Variants in SUPT3H observed in about 807,000 individuals in gnomAD.
SUPT3H encodes transcription initiation protein SPT3 homolog.
A neutral mutation model predicts 44.3 loss-of-function variants in SUPT3H; 44 were observed. That is an observed-to-expected ratio of 0.99 (90% confidence interval 0.78 to 1.28). The LOEUF (loss-of-function observed/expected upper bound fraction) is 1.28. Ranked by LOEUF, SUPT3H falls within the 50% of genes most tolerant of loss-of-function variation. SUPT3H has a pLI of 0.00. For synonymous variants in SUPT3H, 124 were observed against 125.6 expected, an observed-to-expected ratio of 0.99 and a Z score of 0.09; for missense variants, 380 against 387.1, an observed-to-expected ratio of 0.98 and a Z score of 0.15.
At chr6:45,164,750 T>C (rs1280920474) in intron 2 of SUPT3H, among the ~76,000 whole-genome samples, 1 of 152,152 alleles carries the variant, frequency 6.6e-6, no homozygotes, top group Non-Finnish European at 1.5e-5. Flanking sequence ...AACTTATATT[T>C]TGTCATAAAA....
intron 2 of SUPT3H, among the ~76,000 whole-genome samples, chr6:45,200,249 CTG>C (rs1762263485): frequency 6.6e-6 from 1 of 151,236 alleles, no homozygotes; most frequent in Non-Finnish European, 1.5e-5. Context: ...ATAATGAGTG[CTG>C]TATTTATATG....
intron 2 of SUPT3H, among the ~76,000 whole-genome samples, chr6:45,126,907 C>G (rs956351125): frequency 1.3e-5 from 2 of 151,960 alleles, no homozygotes; most frequent in Admixed American, 6.6e-5. Context: ...AAAAGCTTGC[C>G]TAAAAAAAAT....
chr6:44,933,292 C>T (rs1280494929), intron 9 of SUPT3H, among the ~76,000 whole-genome samples: 2 of 133,076 alleles, frequency 1.5e-5, no homozygotes, highest in African/African-American at 5.0e-5. Context: ...CAGGACAAAA[C>T]AAAAACGAAA....
intron 2 of SUPT3H, among the ~76,000 whole-genome samples, chr6:45,205,716 G>A (rs1763121846): frequency 6.6e-6 from 1 of 152,042 alleles, no homozygotes; most frequent in Non-Finnish European, 1.5e-5. Context: ...AGAATTGCTT[G>A]AACCTGGGAG....
intron 10 of SUPT3H, among the ~76,000 whole-genome samples, chr6:44,916,529 A>G (rs1160038615): frequency 6.6e-6 from 1 of 152,162 alleles, no homozygotes; most frequent in Non-Finnish European, 1.5e-5. Context: ...ATCTCAAGAT[A>G]TTCTGAAAGG....
intron 9 of SUPT3H, among the ~76,000 whole-genome samples, chr6:44,948,663 G>C (rs919408134): frequency 6.6e-6 from 1 of 152,192 alleles, no homozygotes; most frequent in Admixed American, 6.5e-5. Context: ...CTGGCCATCA[G>C]AGAAATGCAA....
chr6:45,257,660 A>G (rs947122406), intron 2 of SUPT3H, among the ~76,000 whole-genome samples: 2 of 152,140 alleles, frequency 1.3e-5, no homozygotes, highest in South Asian at 2.1e-4. Flanking sequence ...AGATCTGGTG[A>G]GGGCCTTCTT....
intron 1 of SUPT3H, chr6:45,371,964 T>G: frequency 1.2e-6 from 1 of 812,542 alleles, no homozygotes; most frequent in Non-Finnish European, 1.5e-6. Context: ...AAGCTGGGAC[T>G]AAAACTGAGG....
intron 2 of SUPT3H, among the ~76,000 whole-genome samples, chr6:45,240,607 C>T (rs376716203): frequency 1.3e-5 from 2 of 152,178 alleles, no homozygotes; most frequent in South Asian, 2.1e-4. Context: ...AGAGGTGCTG[C>T]GCAGCGATTC....
At chr6:45,178,891 G>C (rs1308466333) in intron 2 of SUPT3H, among the ~76,000 whole-genome samples, 2 of 151,554 alleles carry the variant, frequency 1.3e-5, no homozygotes, top group South Asian at 4.2e-4. Context: ...CAACATACCA[G>C]AATCTCTGGG....
At chr6:44,931,185 T>C (rs1364146916) in intron 10 of SUPT3H, among the ~76,000 whole-genome samples, 4 of 152,246 alleles carry the variant, frequency 2.6e-5, no homozygotes, top group Non-Finnish European at 5.9e-5. Flanking sequence ...TGTAATCTTA[T>C]TCATTACTTT....
chr6:45,278,490 T>C (rs988436794), intron 2 of SUPT3H, among the ~76,000 whole-genome samples: 1 of 152,086 alleles, frequency 6.6e-6, no homozygotes. Context: ...CCAAAAATAT[T>C]TGGGCAAAGA....
At chr6:45,012,577 T>C (rs528338604) in intron 5 of SUPT3H, among the ~76,000 whole-genome samples, 1 of 152,244 alleles carries the variant, frequency 6.6e-6, no homozygotes, top group African/African-American at 2.4e-5. Context: ...TTAAAAATTT[T>C]ATTTCCTTTA....
At chr6:44,993,252 A>C (rs896735056) in intron 6 of SUPT3H, among the ~76,000 whole-genome samples, 2 of 152,154 alleles carry the variant, frequency 1.3e-5, no homozygotes, top group Non-Finnish European at 2.9e-5. Flanking sequence ...ATCAAAGCAG[A>C]AGTCAGACTC....
intron 6 of SUPT3H, among the ~76,000 whole-genome samples, chr6:44,990,213 T>C (rs1332390284): frequency 6.6e-6 from 1 of 152,146 alleles, no homozygotes; most frequent in Non-Finnish European, 1.5e-5. Flanking sequence ...TATTCACTTT[T>C]ACCAACACCA....
At chr6:44,956,155 G>A (rs986609696) in intron 7 of SUPT3H, among the ~76,000 whole-genome samples, 10 of 149,174 alleles carry the variant, frequency 6.7e-5, no homozygotes, top group Admixed American at 2.0e-4. Flanking sequence ...AAACACCACC[G>A]GTTCCCCAAA....
chr6:45,250,439 GA>G (rs1206668756), intron 2 of SUPT3H, among the ~76,000 whole-genome samples: 1 of 151,286 alleles, frequency 6.6e-6, no homozygotes, highest in Non-Finnish European at 1.5e-5. Flanking sequence ...TTGACTAGAA[GA>G]ATAAAAAACT....
intron 3 of SUPT3H, among the ~76,000 whole-genome samples, chr6:45,076,737 C>T (rs2153555915): frequency 6.6e-6 from 1 of 152,258 alleles, no homozygotes; most frequent in African/African-American, 2.4e-5. Flanking sequence ...TACTGAGTAA[C>T]ACTAATGATT....
intron 2 of SUPT3H, among the ~76,000 whole-genome samples, chr6:45,115,563 G>GA (rs1464882406): frequency 2.6e-5 from 4 of 151,468 alleles, no homozygotes; most frequent in African/African-American, 9.7e-5. Flanking sequence ...ACATAGCATT[G>GA]AAAAAAAATT....
Sources: gnomAD v4.1 joint callset for allele counts (sites outside exome capture counted in the v4.1 genomes callset) on GRCh38, gnomAD v4.1.1 for gene constraint, MANE v1.5 for transcripts, NCBI Gene and HGNC (gene_info 2026-07-23, HGNC 2026-07-21) for gene names.